The following PLEKHG4B variants were observed in gnomAD, a reference collection of about 807,000 sequenced individuals.
PLEKHG4B encodes pleckstrin homology and RhoGEF domain containing G4B.
PLEKHG4B carries 111 observed loss-of-function variants against 121.3 expected under a neutral mutation model. That is an observed-to-expected ratio of 0.92 (90% CI 0.78 to 1.07). The LOEUF is 1.07. PLEKHG4B is among the 50% of genes least tolerant of loss of function. PLEKHG4B has a pLI of 0.00. For synonymous variants in PLEKHG4B, 738 were observed against 725.0 expected (o/e 1.02, Z -0.29); for missense variants, 1,831 against 1,757.8 (o/e 1.04, Z -0.74).
intron 2 of PLEKHG4B, among the ~76,000 whole-genome samples, chr5:129,692 A>C (rs1205890176): frequency 6.6e-6 from 1 of 152,212 alleles, no homozygotes; most frequent in Non-Finnish European, 1.5e-5. Flanking sequence ...AGTATTCCCT[A>C]GGACTGAGGG....
intron 13 of PLEKHG4B, among the ~76,000 whole-genome samples, chr5:164,234 T>TG (rs745622020): frequency 1.3e-5 from 2 of 152,202 alleles, no homozygotes; most frequent in Non-Finnish European, 2.9e-5. Flanking sequence ...CCGCAGGGGT[T>TG]GGGGTATGGT....
chr5:119,919 G>C (rs774290793), intron 2 of PLEKHG4B, among the ~76,000 whole-genome samples: 1 of 152,136 alleles, frequency 6.6e-6, no homozygotes, highest in Non-Finnish European at 1.5e-5. Context: ...TGGAAGGAGG[G>C]ACTAGAAAGC....
Position 163,398 on chromosome 5 carries a change from A to G in PLEKHG4B, c.3326A>G (p.Lys1109Arg). 6.2e-7 allele frequency: 1 copy of G among 1,613,076 alleles called. No individual in the cohort carries two copies. The highest frequency in any genetic ancestry group is 8.5e-7 in the Non-Finnish European group (1 of 1,180,032). ...CCAGACCATACTAGTGTCTTCAGCA[A>G]GGGCCTGGAGGTAACCAGCACTGTA... is the stretch of plus-strand genomic sequence containing the variant. ...CQPDHTSVFSKGLEVTSTVAT... is the reference protein window; with the variant it reads ...CQPDHTSVFSRGLEVTSTVAT... The change falls in exon 13 of 20, where the codon AAG (lysine) becomes AGG (arginine). Residue 1109 changes from lysine to arginine, a missense_variant. Transcript: ENST00000637938.
chr5:108,523 CTG>C (rs759377381), intron 1 of PLEKHG4B, among the ~76,000 whole-genome samples: 2 of 142,048 alleles, frequency 1.4e-5, no homozygotes, highest in African/African-American at 2.7e-5. Context: ...TGTAGACAGA[CTG>C]GGTGCAGATG....
intron 1 of PLEKHG4B, among the ~76,000 whole-genome samples, chr5:112,508 A>G (rs1012751324): frequency 1.3e-5 from 2 of 152,098 alleles, no homozygotes; most frequent in African/African-American, 4.8e-5. Context: ...TTCCTCAGGG[A>G]TTGTTACTCT....
rs182191616 is a variant in PLEKHG4B at position 113,917 on chromosome 5, T to C, written c.243+469T>C. On this transcript the variant is annotated intron_variant, in intron 2 of 19. Coordinates refer to ENST00000637938, the MANE Select transcript of PLEKHG4B (RefSeq NM_052909.5). The surrounding 1 kb of genome is among the most constrained non-coding windows in gnomAD (Gnocchi z 5.2). Reference sequence around the variant, plus strand: ...ACTGTGCAGGCCCACCTGGAAGGGATTGTGGTCTCAGTTCCAGACCAGCAA... The same window carrying C: ...ACTGTGCAGGCCCACCTGGAAGGGACTGTGGTCTCAGTTCCAGACCAGCAA... Among the ~76,000 whole-genome samples, 7 of 152,194 alleles carry C rather than the reference T, an allele frequency of 4.6e-5. 1 individual carries two copies. The highest frequency in any genetic ancestry group is 1.2e-4 in the African/African-American group (5 of 41,532).
chr5:92,990 A>G (rs991691018), intron 1 of PLEKHG4B, among the ~76,000 whole-genome samples: 13 of 152,152 alleles, frequency 8.5e-5, no homozygotes, highest in African/African-American at 3.1e-4. Context: ...AGTTGCAAAA[A>G]GTATATTGGG....
intron 6 of PLEKHG4B, among the ~76,000 whole-genome samples, chr5:145,665 C>T (rs150131629): frequency 2.3e-4 from 35 of 152,298 alleles, no homozygotes; most frequent in African/African-American, 7.5e-4. Context: ...GGCCTAGGGG[C>T]CCTGCACTGA....
rs1012851745 is a variant in PLEKHG4B at position 156,851 on chromosome 5, T to G, written c.2427T>G (p.Asn809Lys). The G allele has an allele frequency of 1.9e-6, 3 of 1,606,644 alleles. No individual in the cohort carries two copies. Among genetic ancestry groups the G allele is most frequent in the Non-Finnish European group, 2.5e-6 (3 of 1,177,344 alleles). The change falls in exon 11 of 20, where the codon AAT becomes AAG. Residue 809 changes from asparagine (N) to lysine (K), a missense_variant. By Grantham distance (94) the Asn-to-Lys change is moderately conservative (BLOSUM62 0). Transcript: ENST00000637938. This position sits in a 1 kb window ranked among gnomAD's most constrained non-coding sequence, Gnocchi z 4.4. ...ACAGGCTGGTCCTCACCTCGAACAA[T>G]CGTCTCCAGCAGCTGGAGCACCTCC... ...EVHRLVLTSNNRLQQLEHLRE... is the reference protein window; with the variant it reads ...EVHRLVLTSNKRLQQLEHLRE...
At chr5:160,936 TAC>T (rs1187675082) in intron 11 of PLEKHG4B, among the ~76,000 whole-genome samples, 2 of 152,180 alleles carry the variant, frequency 1.3e-5, no homozygotes, top group African/African-American at 4.8e-5. Context: ...TGGCTCTGTT[TAC>T]AGACAGCGTA....
At chr5:111,390 G>A (rs1244108760) in intron 1 of PLEKHG4B, among the ~76,000 whole-genome samples, 2 of 152,352 alleles carry the variant, frequency 1.3e-5, no homozygotes, top group South Asian at 2.1e-4. Context: ...CATGGGGCCT[G>A]CCCCAGTCAC....
intron 6 of PLEKHG4B, among the ~76,000 whole-genome samples, chr5:147,488 C>T (rs947491663): frequency 6.6e-5 from 10 of 152,248 alleles, no homozygotes; most frequent in South Asian, 2.1e-4. Context: ...TCTGGAAGAG[C>T]GCACACCTGC....
In PLEKHG4B at chr5:189,894, CTGT is replaced by C. The variant is rs1239829591; in HGVS notation, c.*7576_*7578del. ...GTCTGGGAAATGGCGTTACCTGCCA[CTGT>C]TGTTAAGTGTTTACTTTGTATCAAT... is the stretch of plus-strand genomic sequence containing the variant. On this transcript the variant is annotated 3_prime_UTR_variant, in exon 20 of 20. Transcript: ENST00000637938. The C allele has an allele frequency of 1.3e-5, 2 of 152,238 alleles. No individual in the cohort carries two copies. The highest frequency in any genetic ancestry group is 2.9e-5 in the Non-Finnish European group (2 of 68,038). 9.4% of individuals were successfully genotyped at this position (152,238 alleles called of 1,614,324 possible). A position where few individuals can be genotyped will look rare whatever the true frequency, so the allele number is the denominator to read the frequency against.
At position 163,179 on chromosome 5, in the gene PLEKHG4B, C is replaced by T. The variant is rs548159739; in HGVS notation, c.3107C>T (p.Pro1036Leu). The change falls in exon 13 of 20, where the codon CCA becomes CTA. Residue 1036 changes from proline to leucine, a missense_variant. Coordinates refer to ENST00000637938, the MANE Select transcript of PLEKHG4B (RefSeq NM_052909.5). The stretch of plus-strand genomic sequence containing the variant: ...CCAGGGCTGTGTGCTCTGTGGGACC[C>T]ACTGTCCCTCCTCAGGGGCCTTCCA... The part of the protein sequence containing the change: ...LRPGLCALWD[P>L]LSLLRGLPGA... 47 of 1,575,334 alleles carry T rather than the reference C, an allele frequency of 3.0e-5. No homozygotes were observed. The highest frequency in any genetic ancestry group is 3.4e-6 in the Non-Finnish European group (4 of 1,161,942).
Position 173,704 on chromosome 5 carries a change from G to A in PLEKHG4B, c.4222-214G>A, listed in dbSNP as rs115752074. ...CACTCACGAGCAGCCTCACACACAC[G>A]GACAGCTATCCTGCACACAGGCACT... On this transcript the variant is annotated intron_variant, in intron 17 of 19. Coordinates refer to ENST00000637938, the MANE Select transcript of PLEKHG4B (RefSeq NM_052909.5). Among the ~76,000 whole-genome samples, 1,462 of 151,940 alleles carry A rather than the reference G, an allele frequency of 9.6e-3. 9 individuals are homozygous for A. The highest frequency in any genetic ancestry group is 0.027 in the Middle Eastern group (8 of 294).
At chr5:158,680 C>A (rs950830930) in intron 11 of PLEKHG4B, among the ~76,000 whole-genome samples, 2 of 149,060 alleles carry the variant, frequency 1.3e-5, no homozygotes, top group Non-Finnish European at 1.5e-5. Context: ...CCCATCTCCC[C>A]TTCCTCCCTC....
At chr5:172,785 G>C in intron 16 of PLEKHG4B, 112 bp from the exon 17 acceptor site, 7 of 1,204,270 alleles carry the variant, frequency 5.8e-6, no homozygotes, top group Non-Finnish European at 8.5e-6. Context: ...TGGCAGTTTG[G>C]CTGCTGTTCC....
At position 186,340 on chromosome 5, in the gene PLEKHG4B, G is replaced by C. The variant is rs180880429; in HGVS notation, c.*4017G>C. ...AGAGTAATGCTTCTGTCTGAATCAG[G>C]CCTCATGGGCTTCACCAGCAGACAC... On this transcript the variant is annotated 3_prime_UTR_variant, in exon 20 of 20. Coordinates refer to ENST00000637938, the MANE Select transcript of PLEKHG4B (RefSeq NM_052909.5). 7.5e-4 allele frequency: 114 copies of C among 152,388 alleles called. No individual in the cohort carries two copies. The highest frequency in any genetic ancestry group is 2.6e-3 in the African/African-American group (110 of 41,582). The allele number at this position is 152,388 out of a possible 1,614,324, so 9.4% of individuals were successfully genotyped here. A position where few individuals can be genotyped will look rare whatever the true frequency, so the allele number is the denominator to read the frequency against.
intron 17 of PLEKHG4B, among the ~76,000 whole-genome samples, chr5:173,275 C>T (rs1467107833): frequency 6.6e-6 from 1 of 152,192 alleles, no homozygotes; most frequent in Non-Finnish European, 1.5e-5. Flanking sequence ...GTGTCTTCTC[C>T]AGTCCCATGT....
Sources: gnomAD v4.1 joint callset for allele counts (sites outside exome capture counted in the v4.1 genomes callset) on GRCh38, gnomAD v4.1.1 for gene constraint, Gnocchi (gnomAD v3.1) non-coding constraint, MANE v1.5 for transcripts, NCBI Gene and HGNC (gene_info 2026-07-23, HGNC 2026-07-21) for gene names.